The following MTF1 variants were observed in gnomAD, a reference collection of about 807,000 sequenced individuals.
MTF1 encodes MRE-binding transcription factor.
A neutral mutation model predicts 70.4 loss-of-function variants in MTF1; 22 were observed. That is an observed-to-expected ratio of 0.31 (90% CI 0.22 to 0.45). The LOEUF (loss-of-function observed/expected upper bound fraction) is 0.45. Ranked by LOEUF, MTF1 falls within the 20% of genes least tolerant of loss-of-function variation. The probability of loss-of-function intolerance (pLI) is 1.00; values close to 1 mark genes in which losing one functional copy is unlikely to be tolerated. For synonymous variants in MTF1, 333 were observed against 352.8 expected (o/e 0.94, Z 0.63); for missense variants, 649 against 922.0 (o/e 0.70, Z 3.83).
intron 9 of MTF1, among the ~76,000 whole-genome samples, chr1:37,818,161 G>A (rs1240147305): frequency 6.6e-6 from 1 of 152,228 alleles, no homozygotes; most frequent in African/African-American, 2.4e-5. Context: ...AACTCATGTT[G>A]AAAGTTAATC....
At position 37,836,046 on chromosome 1, in the gene MTF1, C is replaced by T. The variant is rs199761546; in HGVS notation, c.780-302G>A. Among the ~76,000 whole-genome samples, 41 of 152,236 alleles carry T rather than the reference C, an allele frequency of 2.7e-4. No homozygotes were observed. In the East Asian group the frequency reaches 3.1e-3, roughly 11 times the overall value. On this transcript the variant is annotated intron_variant, in intron 4 of 10. Transcript: ENST00000373036. ...CGATCTCCTGACCTTGTGATCCGCCCGCCTCGGCCTCCCAAGTGCTGGGAT... is the reference window on the plus strand; with the variant it reads ...CGATCTCCTGACCTTGTGATCCGCCTGCCTCGGCCTCCCAAGTGCTGGGAT...
At chr1:37,819,111 C>A (rs565533881) in intron 9 of MTF1, among the ~76,000 whole-genome samples, 1 of 152,322 alleles carries the variant, frequency 6.6e-6, no homozygotes, top group African/African-American at 2.4e-5. Context: ...AGGAGGGCGG[C>A]CCTCCAGATG....
rs1411106536 is a variant in MTF1, at chr1:37,857,302, T to C, written c.357A>G (p.Glu119=). 1 of 1,614,208 alleles carries C rather than the reference T, an allele frequency of 6.2e-7. No homozygotes were observed. The change falls in exon 2 of 11, where the codon GAA becomes GAG. Residue 119 remains glutamate (E), a synonymous_variant. Transcript: ENST00000373036. The part of the protein sequence containing the change: ...PGSTPMPRNI[E]GATLTLQSEC... Reference sequence around the variant, plus strand: ...CCGACTGCAGAGTGAGGGTTGCACCTTCAATATTTCTTGGCATGGGTGTGG... The same window carrying C: ...CCGACTGCAGAGTGAGGGTTGCACCCTCAATATTTCTTGGCATGGGTGTGG...
intron 2 of MTF1, among the ~76,000 whole-genome samples, chr1:37,856,939 T>C (rs767403111): frequency 6.6e-6 from 1 of 152,238 alleles, no homozygotes; most frequent in Non-Finnish European, 1.5e-5. Context: ...GTTATTTCCC[T>C]GTAGATAAGC....
chr1:37,828,633 G>T (rs1390756456), intron 7 of MTF1, among the ~76,000 whole-genome samples: 1 of 152,156 alleles, frequency 6.6e-6, no homozygotes, highest in African/African-American at 2.4e-5. Flanking sequence ...CGGGGTGCTG[G>T]TTACATGGGT....
intron 4 of MTF1, among the ~76,000 whole-genome samples, chr1:37,836,459 T>TAG: frequency 6.6e-6 from 1 of 152,268 alleles, no homozygotes; most frequent in Middle Eastern, 3.4e-3. Flanking sequence ...AATCAGAAGA[T>TAG]AGGCTCAAGT....
intron 6 of MTF1, among the ~76,000 whole-genome samples, chr1:37,834,342 C>T (rs1299944818): frequency 1.7e-5 from 1 of 60,186 alleles, no homozygotes; most frequent in Non-Finnish European, 3.8e-5. Flanking sequence ...CAGGAAGCTA[C>T]TGGAGGCCAG....
chr1:37,844,413 T>G (rs1641303527), intron 2 of MTF1, among the ~76,000 whole-genome samples: 4 of 152,246 alleles, frequency 2.6e-5, no homozygotes, highest in Admixed American at 2.6e-4. Context: ...CATGTCTACA[T>G]GACAGTGCCC....
Position 37,823,778 on chromosome 1 carries a change from G to A in MTF1, c.1103C>T (p.Ala368Val). Reference sequence around the variant, plus strand: ...CTGGAACATTGATTCAAAGATGATTGCTGGTGAAATTGTGCTGAGGTCCTG... The same window carrying A: ...CTGGAACATTGATTCAAAGATGATTACTGGTGAAATTGTGCTGAGGTCCTG... ...QGQDLSTISP[A>V]IIFESMFQNS... The change falls in exon 8 of 11, where the codon GCA becomes GTA. Residue 368 changes from alanine to valine, a missense_variant. Ala to Val is a moderately conservative substitution (Grantham distance 64). This residue lies in a region of MTF1 where 267 missense variants were observed against 292.1 expected (regional missense o/e 0.91). Coordinates refer to ENST00000373036, the MANE Select transcript of MTF1 (RefSeq NM_005955.3). 1.9e-6 allele frequency: 3 copies of A among 1,614,078 alleles called. No homozygotes were observed. Among genetic ancestry groups the A allele is most frequent in the Non-Finnish European group, 2.5e-6 (3 of 1,179,976 alleles).
rs1426781649 is a variant in MTF1 at position 37,843,589 on chromosome 1, T to C, written c.409-3431A>G. On this transcript the variant is annotated intron_variant, in intron 2 of 10. Transcript: ENST00000373036. ...GTCTGTGTCACTAGTCACCTCTGCA[T>C]GTTAAAGTAGCAACAGACAATACGT... Among the ~76,000 whole-genome samples, 5 of 152,226 alleles carry C rather than the reference T, an allele frequency of 3.3e-5. No individual in the cohort carries two copies. In the South Asian group the frequency reaches 6.2e-4, roughly 19 times the overall value.
intron 2 of MTF1, among the ~76,000 whole-genome samples, chr1:37,851,722 A>T (rs890028732): frequency 2.6e-5 from 4 of 152,194 alleles, no homozygotes; most frequent in Non-Finnish European, 5.9e-5. Flanking sequence ...TCACACAGTA[A>T]TCACTGATGG....
At chr1:37,846,391 T>TAA (rs370112178) in intron 2 of MTF1, among the ~76,000 whole-genome samples, 135 of 113,266 alleles carry the variant, frequency 1.2e-3, no homozygotes, top group Middle Eastern at 3.9e-3. Context: ...AGACCCCATT[T>TAA]AAAAAAAAAA....
chr1:37,833,722 A>G (rs1641121916), intron 6 of MTF1, among the ~76,000 whole-genome samples: 1 of 152,100 alleles, frequency 6.6e-6, no homozygotes, highest in Admixed American at 6.5e-5. Context: ...GAACTCTGGG[A>G]TAGGAGTTGC....
At chr1:37,843,956 T>C (rs1489765717) in intron 2 of MTF1, among the ~76,000 whole-genome samples, 1 of 149,458 alleles carries the variant, frequency 6.7e-6, no homozygotes, top group East Asian at 2.0e-4. Context: ...GTGTTCTCTT[T>C]CCACTGCCAC....
chr1:37,844,038 C>T (rs1272070432), intron 2 of MTF1, among the ~76,000 whole-genome samples: 1 of 152,246 alleles, frequency 6.6e-6, no homozygotes, highest in East Asian at 1.9e-4. Context: ...ATTCTTCTCA[C>T]GTCTCAGGAC....
At chr1:37,829,570 C>T (rs1641053953) in intron 7 of MTF1, among the ~76,000 whole-genome samples, 1 of 151,926 alleles carries the variant, frequency 6.6e-6, no homozygotes, top group Non-Finnish European at 1.5e-5. Flanking sequence ...ATCACGAGGT[C>T]AGGAGATCGA....
At chr1:37,832,481 T>C (rs1462356544) in intron 6 of MTF1, among the ~76,000 whole-genome samples, 159 bp from the exon 7 acceptor site, 1 of 152,170 alleles carries the variant, frequency 6.6e-6, no homozygotes, top group Non-Finnish European at 1.5e-5. Context: ...CTAAATGAAT[T>C]AATTTTTTTT....
chr1:37,850,924 C>T (rs1641409048), intron 2 of MTF1, among the ~76,000 whole-genome samples: 2 of 151,632 alleles, frequency 1.3e-5, no homozygotes, highest in Non-Finnish European at 2.9e-5. Context: ...AACACCTGTG[C>T]ATGGAGGGAA....
chr1:37,834,747 G>A, intron 6 of MTF1: 1 of 494,006 alleles, frequency 2.0e-6, no homozygotes, highest in Non-Finnish European at 4.0e-6. Context: ...GACTTTGCTG[G>A]CGGATGTGGA....
Sources: gnomAD v4.1 joint callset for allele counts (sites outside exome capture counted in the v4.1 genomes callset) on GRCh38, gnomAD v4.1.1 for gene constraint, gnomAD v4.1.1 regional missense constraint, MANE v1.5 for transcripts, NCBI Gene and HGNC (gene_info 2026-07-23, HGNC 2026-07-21) for gene names.